Variants in ANKS1B observed in about 807,000 individuals in gnomAD.
ANKS1B encodes the protein ankyrin repeat and sterile alpha motif domain containing 1B.
A neutral mutation model predicts 148.3 loss-of-function variants in ANKS1B; 36 were observed. The observed-to-expected ratio is 0.24, with a 90% CI of 0.19 to 0.32. The LOEUF (loss-of-function observed/expected upper bound fraction) is 0.32. Ranked by LOEUF, ANKS1B falls within the 10% of genes least tolerant of loss-of-function variation. ANKS1B has a pLI of 1.00. For synonymous variants in ANKS1B, 542 were observed against 560.8 expected (o/e 0.97, Z 0.47); for missense variants, 1,157 against 1,542.6 (o/e 0.75, Z 4.19).
intron 1 of ANKS1B, among the ~76,000 whole-genome samples, chr12:99,895,228 C>T (rs1603443993): frequency 6.6e-6 from 1 of 150,388 alleles, no homozygotes; most frequent in African/African-American, 2.4e-5. Context: ...AAAATGACCA[C>T]CCAGAAGCAA....
At chr12:98,873,000 C>T (rs2099675930) in intron 17 of ANKS1B, among the ~76,000 whole-genome samples, 3 of 152,182 alleles carry the variant, frequency 2.0e-5, no homozygotes, top group Admixed American at 2.0e-4. Context: ...TTAGGATAAG[C>T]TGAGAGGATC....
chr12:99,862,337 T>C (rs1003987246), intron 1 of ANKS1B, among the ~76,000 whole-genome samples: 10 of 152,120 alleles, frequency 6.6e-5, no homozygotes, highest in Non-Finnish European at 1.0e-4. Context: ...CATCAAAGGC[T>C]TTTCAATAGT....
intron 9 of ANKS1B, among the ~76,000 whole-genome samples, chr12:99,550,916 G>A (rs1272546425): frequency 6.6e-6 from 1 of 152,066 alleles, no homozygotes; most frequent in African/African-American, 2.4e-5. Flanking sequence ...ATCTTCCTCT[G>A]CTGCATTCTT....
chr12:98,867,965 G>A (rs1236959107), intron 17 of ANKS1B, among the ~76,000 whole-genome samples: 1 of 151,976 alleles, frequency 6.6e-6, no homozygotes, highest in East Asian at 1.9e-4. Context: ...ACCCAACTTC[G>A]AAGCTGGCCT....
At chr12:99,698,775 A>G (rs1383071202) in intron 8 of ANKS1B, among the ~76,000 whole-genome samples, 4 of 152,136 alleles carry the variant, frequency 2.6e-5, no homozygotes, top group African/African-American at 9.7e-5. Flanking sequence ...ACTCATTCTT[A>G]ATGTTTCAGC....
chr12:99,867,301 A>C (rs1190061433), intron 1 of ANKS1B, among the ~76,000 whole-genome samples: 1 of 152,082 alleles, frequency 6.6e-6, no homozygotes, highest in East Asian at 1.9e-4. Flanking sequence ...ATTGCAACCC[A>C]TCCTATAAGA....
At chr12:98,880,303 C>A (rs1167992243) in intron 17 of ANKS1B, among the ~76,000 whole-genome samples, 3 of 152,096 alleles carry the variant, frequency 2.0e-5, no homozygotes, top group Non-Finnish European at 4.4e-5. Context: ...CAACAAAAGA[C>A]ACGTGATGAT....
chr12:99,199,435 C>A (rs1006699490), intron 14 of ANKS1B, among the ~76,000 whole-genome samples: 1 of 152,024 alleles, frequency 6.6e-6, no homozygotes, highest in Non-Finnish European at 1.5e-5. Flanking sequence ...AAACAAGAGT[C>A]TTAGAAGGAA....
chr12:99,486,494 ATTTT>A (rs1555454860), intron 10 of ANKS1B, among the ~76,000 whole-genome samples: 4 of 131,444 alleles, frequency 3.0e-5, no homozygotes, highest in Non-Finnish European at 6.6e-5. Flanking sequence ...TTATTTATTT[ATTTT>A]TCCCCAGTAT....
rs919212478 is a variant in ANKS1B at position 99,402,041 on chromosome 12, G to T, written c.1576-2230C>A. Among the ~76,000 whole-genome samples, 107 of 146,420 alleles carry T rather than the reference G, an allele frequency of 7.3e-4. 9 individuals carry two copies. The highest frequency in any genetic ancestry group is 5.8e-4 in the East Asian group (3 of 5,186). ...AACACTTGAAATATTTATTATGTCTGGCTTTTTAGAGAAAATATTTGGCCA... is the reference window on the plus strand; with the variant it reads ...AACACTTGAAATATTTATTATGTCTTGCTTTTTAGAGAAAATATTTGGCCA... On this transcript the variant is annotated intron_variant, in intron 11 of 26. Transcript: ENST00000683438.
intron 8 of ANKS1B, among the ~76,000 whole-genome samples, chr12:99,702,921 C>A (rs2055103161): frequency 6.6e-6 from 1 of 152,030 alleles, no homozygotes; most frequent in East Asian, 1.9e-4. Flanking sequence ...AGATTTAAGT[C>A]TTTAATCCAC....
intron 12 of ANKS1B, among the ~76,000 whole-genome samples, chr12:99,309,509 T>G (rs1406891285): frequency 1.3e-5 from 2 of 152,070 alleles, no homozygotes; most frequent in Non-Finnish European, 2.9e-5. Flanking sequence ...TAAAAATCAC[T>G]AAGTGTGAGT....
intron 17 of ANKS1B, among the ~76,000 whole-genome samples, chr12:99,010,532 C>T (rs1346441041): frequency 6.6e-6 from 1 of 152,036 alleles, no homozygotes; most frequent in African/African-American, 2.4e-5. Context: ...TCATTGAAAC[C>T]TCACATATTG....
At chr12:99,306,476 G>T (rs2082361418) in intron 12 of ANKS1B, among the ~76,000 whole-genome samples, 1 of 151,872 alleles carries the variant, frequency 6.6e-6, no homozygotes, top group Admixed American at 6.6e-5. Context: ...TCCTTTACTA[G>T]ATAAGCAACA....
At chr12:99,520,412 C>T (rs1472792053) in intron 9 of ANKS1B, among the ~76,000 whole-genome samples, 3 of 152,156 alleles carry the variant, frequency 2.0e-5, no homozygotes, top group Non-Finnish European at 4.4e-5. Context: ...TCCTGGCCTG[C>T]CAGGTTTCTA....
intron 17 of ANKS1B, among the ~76,000 whole-genome samples, chr12:98,944,143 T>C (rs906279636): frequency 1.3e-5 from 2 of 151,706 alleles, no homozygotes; most frequent in Non-Finnish European, 2.9e-5. Flanking sequence ...CTACTACAAA[T>C]ACAAAAACTA....
chr12:98,815,643 G>GGCAAATGGCAAAACA (rs2099133452), intron 19 of ANKS1B, among the ~76,000 whole-genome samples: 13 of 152,232 alleles, frequency 8.5e-5, no homozygotes, highest in African/African-American at 3.1e-4. Flanking sequence ...ACCTCCCTGT[G>GGCAAATGGCAAAACA]AGCTTCCTTG....
At chr12:99,183,453 C>T (rs1168623874) in intron 14 of ANKS1B, among the ~76,000 whole-genome samples, 1 of 152,124 alleles carries the variant, frequency 6.6e-6, no homozygotes, top group South Asian at 2.1e-4. Context: ...ACCAGCCTGG[C>T]CAACATGGTG....
intron 25 of ANKS1B, among the ~76,000 whole-genome samples, chr12:98,769,021 T>C (rs1194518102): frequency 2.0e-5 from 3 of 152,146 alleles, no homozygotes; most frequent in Non-Finnish European, 4.4e-5. Context: ...AAACATGGGA[T>C]ATGTGATAAC....
Sources: gnomAD v4.1 joint callset for allele counts (sites outside exome capture counted in the v4.1 genomes callset) on GRCh38, gnomAD v4.1.1 for gene constraint, MANE v1.5 for transcripts, NCBI Gene and HGNC (gene_info 2026-07-23, HGNC 2026-07-21) for gene names.